ATP8B4: variants seen among roughly 807,000 people sequenced by gnomAD.
The protein encoded by ATP8B4 is ATPase phospholipid transporting 8B4 (putative).
ATP8B4 carries 133 observed loss-of-function variants against 145.6 expected under a neutral mutation model. That is an observed-to-expected ratio of 0.91 (90% CI 0.79 to 1.05). The LOEUF (loss-of-function observed/expected upper bound fraction) is 1.05. ATP8B4 is among the 50% of genes least tolerant of loss of function. The probability of loss-of-function intolerance (pLI) is 0.00; values close to 1 mark genes in which losing one functional copy is unlikely to be tolerated. For synonymous variants in ATP8B4, 507 were observed against 492.9 expected, an observed-to-expected ratio of 1.03 and a Z score of -0.38; for missense variants, 1,458 against 1,425.2, an observed-to-expected ratio of 1.02 and a Z score of -0.37.
At chr15:50,007,771 A>G (rs550266994) in intron 7 of ATP8B4, among the ~76,000 whole-genome samples, 1 of 152,242 alleles carries the variant, frequency 6.6e-6, no homozygotes, top group East Asian at 1.9e-4. Context: ...GCAGGGAGAT[A>G]TATTAGTACT....
intron 3 of ATP8B4, among the ~76,000 whole-genome samples, chr15:50,065,121 T>C (rs904742148): frequency 2.0e-5 from 3 of 152,262 alleles, no homozygotes; most frequent in Admixed American, 2.0e-4. Context: ...AAAAAAATGA[T>C]AAGTTATGTG....
chr15:50,121,135 G>T (rs184399310), upstream of ATP8B4, among the ~76,000 whole-genome samples: 1 of 152,210 alleles, frequency 6.6e-6, no homozygotes, highest in Non-Finnish European at 1.5e-5. Flanking sequence ...AAATGTGCTC[G>T]CTGTTTATTG....
chr15:50,052,612 G>T (rs535463024), intron 3 of ATP8B4, among the ~76,000 whole-genome samples: 20 of 152,332 alleles, frequency 1.3e-4, no homozygotes, highest in Admixed American at 1.2e-3. Flanking sequence ...CTCACATGTG[G>T]CAGAGTAGTA....
chr15:49,996,273 A>G (rs1341839658), intron 9 of ATP8B4, among the ~76,000 whole-genome samples: 1 of 152,106 alleles, frequency 6.6e-6, no homozygotes, highest in East Asian at 1.9e-4. Flanking sequence ...TGTCTTCATG[A>G]AGTTTGAGGT....
rs754430415 is a variant in ATP8B4 at position 49,876,331 on chromosome 15, G to A, written c.2974C>T (p.Gln992Ter). 6.2e-7 allele frequency: 1 copy of A among 1,614,110 alleles called. No homozygotes were observed. The highest frequency in any genetic ancestry group is 8.5e-7 in the Non-Finnish European group (1 of 1,179,988). Residue 992 changes from glutamine to a stop codon, truncating the protein, a stop_gained, in exon 25 of 28, where the codon CAG (glutamine) becomes TAG (stop). Transcript: ENST00000284509. LOFTEE classifies it high-confidence loss of function. ...GEDGQHIADY[Q>*]SFAVTMATSL... ...GTGGCCATGGTAACTGCAAAGGACT[G>A]GTAGTCAGCAATATGTTGCCCATCT...
chr15:49,883,714 G>T (rs1163529386), intron 23 of ATP8B4, among the ~76,000 whole-genome samples: 3 of 151,770 alleles, frequency 2.0e-5, no homozygotes, highest in Admixed American at 2.0e-4. Context: ...ATTTCACATT[G>T]CATGCCTGTA....
chr15:49,888,836 A>C (rs1461387691), intron 23 of ATP8B4, among the ~76,000 whole-genome samples: 1 of 152,148 alleles, frequency 6.6e-6, no homozygotes, highest in Non-Finnish European at 1.5e-5. Context: ...AATTATATTT[A>C]ATTTGTTTCT....
intron 12 of ATP8B4, among the ~76,000 whole-genome samples, chr15:49,978,103 T>A (rs1443583219): frequency 3.9e-5 from 6 of 152,160 alleles, no homozygotes; most frequent in African/African-American, 1.4e-4. Flanking sequence ...TAAATGAAAA[T>A]GCCAATGTAC....
intron 2 of ATP8B4, among the ~76,000 whole-genome samples, chr15:50,089,398 C>T (rs777041912): frequency 1.3e-5 from 2 of 151,948 alleles, no homozygotes; most frequent in African/African-American, 2.4e-5. Flanking sequence ...GATCTAACAC[C>T]CAGAATCTAT....
rs1334210233 is a variant in ATP8B4 at position 49,979,800 on chromosome 15, A to G, written c.851T>C (p.Leu284Pro). The change falls in exon 12 of 28, where the codon CTG becomes CCG. Residue 284 changes from leucine (L) to proline (P), a missense_variant. By Grantham distance (98) the Leu-to-Pro change is moderately conservative. Coordinates refer to ENST00000284509, the MANE Select transcript of ATP8B4 (RefSeq NM_024837.4). Reference protein sequence around the residue: ...NTLVLWIFGFLICLGIILAIG... With the variant: ...NTLVLWIFGFPICLGIILAIG... The stretch of plus-strand genomic sequence containing the variant: ...TGCAAGAATAATTCCCAAGCATATC[A>G]GAAACCCAAAAATCTGAAATAAGAT... The G allele has an allele frequency of 6.3e-7, 1 of 1,585,844 alleles. No homozygotes were observed. The highest frequency in any genetic ancestry group is 1.8e-5 in the Admixed American group (1 of 56,696).
chr15:50,116,276 ATGG>A (rs1318495883), intron 1 of ATP8B4, among the ~76,000 whole-genome samples: 3 of 152,010 alleles, frequency 2.0e-5, no homozygotes, highest in African/African-American at 7.2e-5. Context: ...AATAAAATAA[ATGG>A]TCTGTGTGTT....
At chr15:50,165,116 C>T (rs1029498566) in intron 1 of ATP8B4, among the ~76,000 whole-genome samples, 2 of 151,790 alleles carry the variant, frequency 1.3e-5, no homozygotes, top group African/African-American at 2.4e-5. Context: ...GCGGAACGAT[C>T]TTGGCTTACT....
intron 5 of ATP8B4, among the ~76,000 whole-genome samples, chr15:50,043,508 C>A (rs1407497373): frequency 6.6e-6 from 1 of 152,170 alleles, no homozygotes; most frequent in Non-Finnish European, 1.5e-5. Flanking sequence ...AATCCCTCCT[C>A]TTCCTCTTCC....
intron 3 of ATP8B4, among the ~76,000 whole-genome samples, chr15:50,066,322 C>T (rs1463904799): frequency 3.9e-5 from 6 of 152,240 alleles, no homozygotes; most frequent in African/African-American, 1.4e-4. Context: ...GCCACTGTTA[C>T]TATGGTGATG....
intron 23 of ATP8B4, chr15:49,883,459 G>C (rs2035740618): frequency 6.6e-6 from 1 of 152,138 alleles, no homozygotes; most frequent in Non-Finnish European, 1.5e-5. Context: ...CAAATTCTCA[G>C]AAGTTTTGCT....
chr15:50,038,642 C>A (rs2051022601), intron 6 of ATP8B4, 126 bp downstream of exon 6: 2 of 721,514 alleles, frequency 2.8e-6, no homozygotes, highest in Non-Finnish European at 4.5e-6. Flanking sequence ...AATTAAAGTT[C>A]AATTTTTAAT....
chr15:50,042,476 A>T (rs2051371905), intron 5 of ATP8B4, among the ~76,000 whole-genome samples: 1 of 152,084 alleles, frequency 6.6e-6, no homozygotes, highest in Admixed American at 6.6e-5. Flanking sequence ...CTTTCTCCAT[A>T]ATATCTTCCC....
At position 49,858,864 on chromosome 15, in the gene ATP8B4, A is replaced by C. The variant is rs2153365556; in HGVS notation, c.*1330T>G. On this transcript the variant is annotated 3_prime_UTR_variant, in exon 28 of 28. Coordinates refer to ENST00000284509, the MANE Select transcript of ATP8B4 (RefSeq NM_024837.4). ...ACTGATGTTGAGTTAACTGGAACTT[A>C]ACTCATCTGTTTATGAAATAATTAT... 6.6e-6 allele frequency: 1 copy of C among 152,336 alleles called. No individual in the cohort carries two copies. Among genetic ancestry groups the C allele is most frequent in the South Asian group, 2.1e-4 (1 of 4,828 alleles). The allele number at this position is 152,336 out of a possible 1,614,324, so 9.4% of individuals were successfully genotyped here. A position where few individuals can be genotyped will look rare whatever the true frequency, so the allele number is the denominator to read the frequency against.
chr15:50,106,990 G>A lies in ATP8B4; in HGVS notation c.-24C>T, dbSNP rs753321172. On this transcript the variant is annotated 5_prime_UTR_variant, in exon 2 of 28. Coordinates refer to ENST00000284509, the MANE Select transcript of ATP8B4 (RefSeq NM_024837.4). ...ATTATTATACCTGATCTTTCACCAGGTCTCAACAGGTGGCCTACCTAAGAA... is the reference window on the plus strand; with the variant it reads ...ATTATTATACCTGATCTTTCACCAGATCTCAACAGGTGGCCTACCTAAGAA... 2 of 1,561,608 alleles carry A rather than the reference G, an allele frequency of 1.3e-6. No individual in the cohort carries two copies. Among genetic ancestry groups the A allele is most frequent in the African/African-American group, 2.8e-5 (2 of 72,312 alleles).
Sources: allele counts gnomAD v4.1 joint callset (sites outside exome capture counted in the v4.1 genomes callset), GRCh38; gene constraint gnomAD v4.1.1; transcripts MANE v1.5; gene names NCBI Gene and HGNC (gene_info 2026-07-23, HGNC 2026-07-21).